The following NRG3 variants were observed in gnomAD, a reference collection of about 807,000 sequenced individuals.
NRG3 encodes neuregulin 3.
In NRG3, 31 loss-of-function variants were observed where a neutral mutation model predicts 66.9. The ratio of observed to expected loss-of-function variants is 0.46; its 90% confidence interval spans 0.35 to 0.63. The LOEUF (loss-of-function observed/expected upper bound fraction) is 0.63, where lower values mean the gene tolerates loss of function less well. Ranked by LOEUF, NRG3 falls within the 20% of genes least tolerant of loss-of-function variation. The pLI is 0.00. For synonymous variants in NRG3, 393 were observed against 359.4 expected, an observed-to-expected ratio of 1.09 and a Z score of -1.06; for missense variants, 910 against 878.9, an observed-to-expected ratio of 1.04 and a Z score of -0.45.
chr10:82,904,522 G>C (rs1218607090), intron 4 of NRG3, among the ~76,000 whole-genome samples: 2 of 152,172 alleles, frequency 1.3e-5, no homozygotes, highest in Non-Finnish European at 2.9e-5. Flanking sequence ...TGAAGTTCTA[G>C]AGGTAGCTAA....
intron 1 of NRG3, among the ~76,000 whole-genome samples, chr10:82,089,113 C>T (rs1027622759): frequency 6.6e-6 from 1 of 151,946 alleles, no homozygotes; most frequent in African/African-American, 2.4e-5. Flanking sequence ...AATCCAGGTA[C>T]AAGTCTACAG....
intron 4 of NRG3, among the ~76,000 whole-genome samples, chr10:82,905,322 A>G (rs1011364315): frequency 2.6e-5 from 4 of 151,962 alleles, no homozygotes; most frequent in Non-Finnish European, 4.4e-5. Flanking sequence ...CCTCCATTCC[A>G]TTTCCTAGGC....
intron 3 of NRG3, among the ~76,000 whole-genome samples, chr10:82,804,048 A>G (rs954857047): frequency 6.6e-6 from 1 of 152,126 alleles, no homozygotes; most frequent in African/African-American, 2.4e-5. Flanking sequence ...CCCACCAGTC[A>G]CTTAGTAGCT....
intron 2 of NRG3, among the ~76,000 whole-genome samples, chr10:82,373,559 T>C (rs2085025271): frequency 6.6e-6 from 1 of 152,134 alleles, no homozygotes; most frequent in Non-Finnish European, 1.5e-5. Flanking sequence ...AGTGTATCAG[T>C]GGGTAGCTCC....
chr10:82,765,256 A>C (rs2135114560), intron 3 of NRG3, among the ~76,000 whole-genome samples: 1 of 152,290 alleles, frequency 6.6e-6, no homozygotes, highest in Non-Finnish European at 1.5e-5. Context: ...ATGAAAGTAT[A>C]AAATTCAATT....
chr10:81,940,168 CTTGTT>C (rs774210467), intron 1 of NRG3, among the ~76,000 whole-genome samples: 44 of 152,104 alleles, frequency 2.9e-4, no homozygotes, highest in Non-Finnish European at 5.3e-4. Context: ...TGTGTTAAGA[CTTGTT>C]TTGTGCTATA....
chr10:82,168,151 C>T (rs1184372182), intron 1 of NRG3, among the ~76,000 whole-genome samples: 7 of 152,178 alleles, frequency 4.6e-5, no homozygotes, highest in South Asian at 2.1e-4. Context: ...TTTGTGCAGC[C>T]TAAGATTGCT....
At chr10:82,432,506 A>C (rs2089886679) in intron 2 of NRG3, among the ~76,000 whole-genome samples, 2 of 151,832 alleles carry the variant, frequency 1.3e-5, no homozygotes, top group East Asian at 1.9e-4. Context: ...AAAAAAAAAA[A>C]AAAAAAAACA....
chr10:82,682,709 A>C (rs1291728591), intron 2 of NRG3, among the ~76,000 whole-genome samples: 1 of 152,184 alleles, frequency 6.6e-6, no homozygotes, highest in East Asian at 1.9e-4. Context: ...GAATTTATTC[A>C]CCAGTCCTTT....
rs116951494 is a variant in NRG3 at position 82,253,564 on chromosome 10, T to G, written c.824-105175T>G. On this transcript the variant is annotated intron_variant, in intron 1 of 8. Coordinates refer to ENST00000372141, the MANE Select transcript of NRG3 (RefSeq NM_001010848.4). Reference sequence around the variant, plus strand: ...CCAATCCTTCCGTTTCTTTTCATTCTCACTTCAAACACACCAGACTCAGCC... The same window carrying G: ...CCAATCCTTCCGTTTCTTTTCATTCGCACTTCAAACACACCAGACTCAGCC... 6.2e-3 allele frequency among the ~76,000 whole-genome samples: 939 copies of G among 152,298 alleles called. 7 individuals carry two copies. The highest frequency in any genetic ancestry group is 0.01 in the Non-Finnish European group (704 of 68,028).
At chr10:82,566,697 G>A (rs768535686) in intron 2 of NRG3, among the ~76,000 whole-genome samples, 10 of 151,946 alleles carry the variant, frequency 6.6e-5, no homozygotes, top group Non-Finnish European at 1.2e-4. Context: ...GAGGGTTACA[G>A]ATTTTTGTCT....
At chr10:82,978,860 G>A (rs1852562793) in intron 7 of NRG3, 90 bp from the exon 8 acceptor site, 1 of 1,338,624 alleles carries the variant, frequency 7.5e-7, no homozygotes, top group Non-Finnish European at 1.0e-6. Flanking sequence ...TGCAGATTCA[G>A]TGTTTGCAAA....
At chr10:82,465,684 G>A (rs373913759) in intron 2 of NRG3, among the ~76,000 whole-genome samples, 1 of 152,134 alleles carries the variant, frequency 6.6e-6, no homozygotes, top group Non-Finnish European at 1.5e-5. Context: ...GCTCTTAGGG[G>A]GTGGGGGGCA....
intron 4 of NRG3, among the ~76,000 whole-genome samples, chr10:82,947,252 C>T (rs2132319969): frequency 6.6e-6 from 1 of 152,206 alleles, no homozygotes; most frequent in Middle Eastern, 3.4e-3. Context: ...CATATTTATT[C>T]TGATATTCTT....
chr10:82,321,226 C>A lies in NRG3; in HGVS notation c.824-37513C>A, dbSNP rs369485608. ...GGCTCCTGCCTGTCTGTGTGCTCCC[C>A]CTCCAGTAAAGGGTTTGAGCGCATG... On this transcript the variant is annotated intron_variant, in intron 1 of 8. Coordinates refer to ENST00000372141, the MANE Select transcript of NRG3 (RefSeq NM_001010848.4). Among the ~76,000 whole-genome samples, 118 of 152,142 alleles carry A rather than the reference C, an allele frequency of 7.8e-4. 1 individual carries two copies. In the South Asian group the frequency reaches 0.018, roughly 23 times the overall value.
chr10:82,357,662 T>TG (rs1415521973), intron 1 of NRG3, among the ~76,000 whole-genome samples: 1 of 152,090 alleles, frequency 6.6e-6, no homozygotes, highest in East Asian at 1.9e-4. Flanking sequence ...AGTTCCATCA[T>TG]GGGGGCCTCA....
intron 2 of NRG3, among the ~76,000 whole-genome samples, chr10:82,615,165 A>G (rs765531541): frequency 7.2e-5 from 11 of 152,182 alleles, no homozygotes; most frequent in Non-Finnish European, 8.8e-5. Context: ...CTAATTGATT[A>G]ATTTATTACT....
intron 8 of NRG3, among the ~76,000 whole-genome samples, chr10:82,982,259 G>T (rs1278466748): frequency 6.6e-6 from 1 of 152,142 alleles, no homozygotes; most frequent in Non-Finnish European, 1.5e-5. Flanking sequence ...AAATTCCTTA[G>T]CCTGACTCAT....
At chr10:82,688,961 T>C (rs1200208037) in intron 2 of NRG3, among the ~76,000 whole-genome samples, 1 of 152,188 alleles carries the variant, frequency 6.6e-6, no homozygotes, top group Non-Finnish European at 1.5e-5. Context: ...AACGCAACTC[T>C]ATAATTTGTA....
Sources: allele counts gnomAD v4.1 joint callset (sites outside exome capture counted in the v4.1 genomes callset), GRCh38; gene constraint gnomAD v4.1.1; transcripts MANE v1.5; gene names NCBI Gene and HGNC (gene_info 2026-07-23, HGNC 2026-07-21).